Variants in EYS observed in about 807,000 individuals in gnomAD.
EYS encodes EGF-like photoreceptor maintenance factor.
Under a neutral mutation model 282.1 loss-of-function variants are expected in EYS, and 250 were observed. The observed-to-expected ratio is 0.89, with a 90% CI of 0.80 to 0.98. The LOEUF (loss-of-function observed/expected upper bound fraction) is 0.98. Among genes scored for constraint, EYS ranks in the 50% least tolerant of loss-of-function variants. The pLI is 0.00. For synonymous variants in EYS, 1,355 were observed against 1,282.9 expected, an observed-to-expected ratio of 1.06 and a Z score of -1.20; for missense variants, 4,016 against 3,709.0, an observed-to-expected ratio of 1.08 and a Z score of -2.15.
chr6:64,937,040 A>G (rs1248008944), intron 15 of EYS, among the ~76,000 whole-genome samples: 5 of 151,552 alleles, frequency 3.3e-5, no homozygotes. Flanking sequence ...ATAATTTAAT[A>G]TGGAAAGAAT....
chr6:65,293,012 C>T (rs1768568897), intron 12 of EYS, among the ~76,000 whole-genome samples: 1 of 151,600 alleles, frequency 6.6e-6, no homozygotes, highest in South Asian at 2.1e-4. Context: ...ATCAATAAGG[C>T]TTATCTCAGT....
chr6:64,846,642 T>C (rs1765724610), intron 19 of EYS, among the ~76,000 whole-genome samples: 1 of 152,150 alleles, frequency 6.6e-6, no homozygotes, highest in African/African-American at 2.4e-5. Context: ...CTATCTGTTA[T>C]ATATTCTCAA....
At chr6:65,471,021 C>T (rs939419400) in intron 5 of EYS, among the ~76,000 whole-genome samples, 4 of 151,864 alleles carry the variant, frequency 2.6e-5, no homozygotes, top group Non-Finnish European at 5.9e-5. Flanking sequence ...CCTGTAATCC[C>T]AACTACTTGG....
intron 33 of EYS, among the ~76,000 whole-genome samples, chr6:64,043,785 T>C (rs73762534): frequency 0.073 from 11,139 of 152,282 alleles, 1,053 homozygotes; most frequent in African/African-American, 0.22. Flanking sequence ...AGAGGCTTTG[T>C]TCTGTGTGGT....
At chr6:64,133,936 G>C (rs1395115016) in intron 31 of EYS, among the ~76,000 whole-genome samples, 4 of 151,928 alleles carry the variant, frequency 2.6e-5, no homozygotes, top group African/African-American at 7.3e-5. Context: ...CGAATGCTAA[G>C]GGAAGCTTCT....
intron 42 of EYS, among the ~76,000 whole-genome samples, chr6:63,726,196 TA>T (rs1768607066): frequency 1.3e-5 from 2 of 152,294 alleles, no homozygotes; most frequent in Middle Eastern, 3.4e-3. Context: ...GCCTTCCTTT[TA>T]AAAAATCTTT....
At chr6:65,180,891 T>G (rs920572547) in intron 12 of EYS, among the ~76,000 whole-genome samples, 19 of 151,990 alleles carry the variant, frequency 1.3e-4, no homozygotes, top group East Asian at 3.9e-4. Flanking sequence ...AGAGCCCTCA[T>G]AAATAATGCT....
chr6:63,933,934 A>G (rs1478963206), intron 35 of EYS, among the ~76,000 whole-genome samples: 3 of 152,190 alleles, frequency 2.0e-5, no homozygotes, highest in African/African-American at 4.8e-5. Context: ...GCTTCTGCAC[A>G]CCAAAAGAAA....
intron 13 of EYS, among the ~76,000 whole-genome samples, chr6:65,011,421 T>A (rs766513027): frequency 2.0e-5 from 3 of 152,172 alleles, no homozygotes; most frequent in Non-Finnish European, 4.4e-5. Flanking sequence ...AAATCGTTCT[T>A]CAAATGGAGC....
chr6:65,359,005 A>G (rs1764598566), intron 8 of EYS, among the ~76,000 whole-genome samples: 1 of 152,086 alleles, frequency 6.6e-6, no homozygotes, highest in African/African-American at 2.4e-5. Context: ...TGCCTTTGGA[A>G]GCAAACATCT....
chr6:65,568,035 T>C (rs890280812), intron 2 of EYS, among the ~76,000 whole-genome samples: 8 of 152,244 alleles, frequency 5.3e-5, no homozygotes, highest in Admixed American at 3.3e-4. Flanking sequence ...TTATTTTTTC[T>C]TCCCCCTCCC....
chr6:65,205,727 A>G (rs1766018635), intron 12 of EYS, among the ~76,000 whole-genome samples: 1 of 151,960 alleles, frequency 6.6e-6, no homozygotes, highest in Admixed American at 6.6e-5. Context: ...AAAAATCATT[A>G]CCAAGAAGAA....
chr6:65,555,861 T>C (rs1160530719), intron 2 of EYS, among the ~76,000 whole-genome samples: 1 of 152,232 alleles, frequency 6.6e-6, no homozygotes, highest in Non-Finnish European at 1.5e-5. Context: ...AAAAGATGAA[T>C]ACTGTAAAAT....
chr6:64,345,726 C>T (rs1423754266), intron 29 of EYS, among the ~76,000 whole-genome samples: 11 of 152,108 alleles, frequency 7.2e-5, no homozygotes, highest in Admixed American at 6.6e-4. Flanking sequence ...TAAAGAGCTT[C>T]TGCACAGCAA....
At chr6:64,844,537 C>T (rs960432992) in intron 19 of EYS, among the ~76,000 whole-genome samples, 1 of 151,810 alleles carries the variant, frequency 6.6e-6, no homozygotes, top group Non-Finnish European at 1.5e-5. Context: ...CCATGGGTAA[C>T]ATCTTTCTTC....
At chr6:65,354,706 A>G in intron 8 of EYS, among the ~76,000 whole-genome samples, 1 of 151,936 alleles carries the variant, frequency 6.6e-6, no homozygotes, top group East Asian at 1.9e-4. Context: ...AATCCCGCCT[A>G]CTCTGGAGAC....
intron 36 of EYS, among the ~76,000 whole-genome samples, chr6:63,828,936 A>G (rs1481568961): frequency 1.3e-5 from 2 of 152,230 alleles, no homozygotes; most frequent in African/African-American, 4.8e-5. Flanking sequence ...TTAAAGAACT[A>G]AAAGTAGAAC....
intron 30 of EYS, among the ~76,000 whole-genome samples, chr6:64,275,484 C>T (rs1422219046): frequency 7.0e-6 from 1 of 142,312 alleles, no homozygotes; most frequent in Admixed American, 7.3e-5. Flanking sequence ...GAGTCTCGCT[C>T]TGTCACCCAG....
intron 35 of EYS, among the ~76,000 whole-genome samples, chr6:63,908,141 C>T (rs553322326): frequency 6.6e-6 from 1 of 150,512 alleles, no homozygotes; most frequent in Non-Finnish European, 1.5e-5. Flanking sequence ...GATTCCACAT[C>T]TTTGCTATTG....
Sources: gnomAD v4.1 joint callset for allele counts (sites outside exome capture counted in the v4.1 genomes callset) on GRCh38, gnomAD v4.1.1 for gene constraint, MANE v1.5 for transcripts, NCBI Gene and HGNC (gene_info 2026-07-23, HGNC 2026-07-21) for gene names.